The following UROS variants were observed in gnomAD, a reference collection of about 807,000 sequenced individuals.
UROS encodes the protein uroporphyrinogen-III synthase.
Under a neutral mutation model 33.0 loss-of-function variants are expected in UROS, and 18 were observed. The ratio of observed to expected loss-of-function variants is 0.55; its 90% CI spans 0.38 to 0.81. The LOEUF is 0.81. Ranked by LOEUF, UROS falls within the 30% of genes least tolerant of loss-of-function variation. The pLI, the probability that UROS is intolerant of heterozygous loss-of-function variation, is 0.00. For missense variants in UROS, 293 were observed against 314.9 expected (o/e 0.93, Z 0.53); for synonymous variants, 114 against 121.1 (o/e 0.94, Z 0.38).
intron 4 of UROS, among the ~76,000 whole-genome samples, chr10:125,814,268 A>C (rs559628051): frequency 3.9e-5 from 6 of 152,298 alleles, no homozygotes; most frequent in African/African-American, 1.2e-4. Context: ...ACCCAGGACT[A>C]ACTCACTCCA....
chr10:125,789,344 G>A (rs1850758287), intron 9 of UROS: 11 of 1,237,176 alleles, frequency 8.9e-6, no homozygotes, highest in Admixed American at 3.6e-5. Flanking sequence ...GTTCTTCTTC[G>A]GGTGTTGGGG....
At chr10:125,802,878 A>T in intron 6 of UROS, 1 of 1,565,924 alleles carries the variant, frequency 6.4e-7, no homozygotes, top group South Asian at 1.2e-5. Flanking sequence ...CTTGGGGCTC[A>T]GGCTGGCCTC....
At chr10:125,790,303 G>C (rs765058018) in intron 9 of UROS, among the ~76,000 whole-genome samples, 1 of 152,074 alleles carries the variant, frequency 6.6e-6, no homozygotes, top group Non-Finnish European at 1.5e-5. Flanking sequence ...CCTAAGTTCA[G>C]AGCTAAAACT....
At chr10:125,816,594 G>C (rs892478902) in intron 1 of UROS, 69 bp from the exon 2 acceptor site, 1 of 1,480,012 alleles carries the variant, frequency 6.8e-7, no homozygotes, top group Non-Finnish European at 9.4e-7. Context: ...TTCCGATGGG[G>C]ACGGTACACA....
intron 6 of UROS, chr10:125,807,206 A>G (rs867755715): frequency 5.5e-5 from 33 of 596,340 alleles, no homozygotes; most frequent in Non-Finnish European, 8.9e-5. Context: ...TCTTTGGTAC[A>G]GGGGGTAGAA....
intron 3 of UROS, among the ~76,000 whole-genome samples, chr10:125,815,370 T>C (rs532540281): frequency 1.3e-4 from 20 of 152,216 alleles, no homozygotes; most frequent in African/African-American, 4.8e-4. Flanking sequence ...GCTCAGAGTC[T>C]AGGGCAGAGA....
chr10:125,788,566 G>C (rs1331726902), downstream of UROS: 21 of 1,299,340 alleles, frequency 1.6e-5, no homozygotes, highest in Non-Finnish European at 2.0e-5. Context: ...ATGACACACA[G>C]CAACCATACA....
chr10:125,785,777 C>T (rs968453795), downstream of UROS: 2 of 152,276 alleles, frequency 1.3e-5, no homozygotes, highest in African/African-American at 4.8e-5. Context: ...CTCTCAAATT[C>T]CTGTGTGATC....
At chr10:125,813,090 A>G (rs1852955033) in intron 4 of UROS, among the ~76,000 whole-genome samples, 1 of 152,162 alleles carries the variant, frequency 6.6e-6, no homozygotes, top group Admixed American at 6.5e-5. Flanking sequence ...CTACCCCATA[A>G]ATATCAATAG....
At chr10:125,817,224 A>ATTTTTTTTTTTTTTTT (rs11431196) in intron 1 of UROS, among the ~76,000 whole-genome samples, 2 of 74,058 alleles carry the variant, frequency 2.7e-5, no homozygotes, top group East Asian at 4.5e-4. Flanking sequence ...TTATAGATGT[A>ATTTTTTTTTTTTTTTT]TTTTTTTTTT....
At chr10:125,803,794 C>T (rs1852061265) in intron 6 of UROS, among the ~76,000 whole-genome samples, 1 of 152,218 alleles carries the variant, frequency 6.6e-6, no homozygotes, top group Non-Finnish European at 1.5e-5. Flanking sequence ...ATGCTGTACT[C>T]TCCAGGAAAA....
intron 9 of UROS, chr10:125,794,252 A>C: frequency 4.9e-6 from 4 of 817,178 alleles, no homozygotes; most frequent in Non-Finnish European, 5.9e-6. Context: ...TACTCCCCAC[A>C]TGAGATGCAC....
intron 6 of UROS, chr10:125,807,066 G>T: frequency 3.3e-6 from 1 of 305,624 alleles, no homozygotes; most frequent in Non-Finnish European, 6.3e-6. Context: ...AGAAGGGAAA[G>T]GACAGTCCTC....
intron 1 of UROS, among the ~76,000 whole-genome samples, chr10:125,820,924 T>C (rs1233770876): frequency 6.6e-6 from 1 of 152,228 alleles, no homozygotes; most frequent in Non-Finnish European, 1.5e-5. Context: ...GTCAGTACTG[T>C]ATTTACTTTC....
intron 6 of UROS, among the ~76,000 whole-genome samples, chr10:125,804,697 A>G (rs949027000): frequency 1.3e-5 from 2 of 152,206 alleles, no homozygotes; most frequent in African/African-American, 4.8e-5. Flanking sequence ...AGAATTGGTC[A>G]TTGATATGAG....
chr10:125,794,770 C>G (rs1851207245), intron 9 of UROS, 110 bp downstream of exon 9: 2 of 1,064,276 alleles, frequency 1.9e-6, no homozygotes, highest in Non-Finnish European at 2.7e-6. Context: ...TCTAAGGCAC[C>G]TGCTAGGCCA....
chr10:125,788,928 G>C lies in UROS; in HGVS notation c.738C>G (p.Pro246=). The C allele has an allele frequency of 6.2e-7, 1 of 1,609,648 alleles. No homozygotes were observed. Among genetic ancestry groups the C allele is most frequent in the Non-Finnish European group, 8.5e-7 (1 of 1,179,156 alleles). Reference sequence around the variant, plus strand: ...TGCCAGTGGCCAGGGCTTGTGGCGTGGGGCTCTCTGCAGTGCAGCTTACAG... The same window carrying C: ...TGCCAGTGGCCAGGGCTTGTGGCGTCGGGCTCTCTGCAGTGCAGCTTACAG... ...GLPVSCTAES[P]TPQALATGIR... is the part of the protein sequence containing the mutation. Residue 246 remains proline, a synonymous_variant, in exon 10 of 10, where the codon CCC becomes CCG. Transcript: ENST00000368797.
downstream of UROS, among the ~76,000 whole-genome samples, chr10:125,786,554 G>T (rs1025792746): frequency 6.6e-6 from 1 of 152,074 alleles, no homozygotes; most frequent in Non-Finnish European, 1.5e-5. Flanking sequence ...GTGAGCCACC[G>T]CGCCTGGCCA....
rs1322558165 is a variant in UROS at position 125,796,124 on chromosome 10, C to T, written c.540G>A (p.Leu180=). 3 of 1,614,190 alleles carry T rather than the reference C, an allele frequency of 1.9e-6. No individual in the cohort carries two copies. Among genetic ancestry groups the T allele is most frequent in the African/African-American group, 1.3e-5 (1 of 75,050 alleles). The change falls in exon 8 of 10, where the codon CTG becomes CTA. Residue 180 remains leucine (L), a synonymous_variant. Transcript: ENST00000368797. The stretch of plus-strand genomic sequence containing the variant: ...GTACCTGCTGGGAATAGTAGCTGTT[C>T]AGGTTCCCTTGGATTCCTGGGTGTG... ...TVAHPGIQGN[L]NSYYSQQGVP...
Sources: allele counts gnomAD v4.1 joint callset (sites outside exome capture counted in the v4.1 genomes callset), GRCh38; gene constraint gnomAD v4.1.1; transcripts MANE v1.5; gene names NCBI Gene and HGNC (gene_info 2026-07-23, HGNC 2026-07-21).